Variants in PGCKA1 observed in about 807,000 individuals in gnomAD.
The protein encoded by PGCKA1 is PDCD10 and GCKIII kinases-associated protein 1.
the PGCKA1 span, among the ~76,000 whole-genome samples, chr4:37,478,373 T>C: frequency 6.6e-6 from 1 of 152,110 alleles, no homozygotes; most frequent in African/African-American, 2.4e-5. Context: ...CTGGGAATCA[T>C]ACTCTCCCAA....
chr4:37,590,516 G>T, the PGCKA1 span: 6 of 1,614,128 alleles, frequency 3.7e-6, no homozygotes, highest in Non-Finnish European at 5.1e-6. Flanking sequence ...GCCTCAGAAG[G>T]GACCCAAGTC....
chr4:37,551,116 C>A, the PGCKA1 span, among the ~76,000 whole-genome samples: 4 of 152,114 alleles, frequency 2.6e-5, no homozygotes, highest in Non-Finnish European at 5.9e-5. Flanking sequence ...CAGAAGTCCA[C>A]TGGGACTGGA....
At chr4:37,557,580 G>A in the PGCKA1 span, among the ~76,000 whole-genome samples, 1 of 152,134 alleles carries the variant, frequency 6.6e-6, no homozygotes, top group Non-Finnish European at 1.5e-5. Flanking sequence ...CTTTAATAAT[G>A]GCACTGATTT....
At chr4:37,461,534 A>G in the PGCKA1 span, among the ~76,000 whole-genome samples, 1 of 151,884 alleles carries the variant, frequency 6.6e-6, no homozygotes, top group Non-Finnish European at 1.5e-5. Flanking sequence ...GGTCCTTTAC[A>G]TGAGGGTGGA....
At chr4:37,535,229 G>A in the PGCKA1 span, among the ~76,000 whole-genome samples, 1 of 152,130 alleles carries the variant, frequency 6.6e-6, no homozygotes, top group African/African-American at 2.4e-5. Context: ...ACGTGTTTTT[G>A]AAAGAATCGA....
chr4:37,458,020 CT>C, the PGCKA1 span, among the ~76,000 whole-genome samples: 1 of 152,186 alleles, frequency 6.6e-6, no homozygotes, highest in Non-Finnish European at 1.5e-5. Flanking sequence ...TCAAAACTAT[CT>C]GTTAGAAAGG....
chr4:37,586,755 TAA>T, the PGCKA1 span, among the ~76,000 whole-genome samples: 1 of 151,936 alleles, frequency 6.6e-6, no homozygotes, highest in Non-Finnish European at 1.5e-5. Flanking sequence ...ACTAAAAATA[TAA>T]AAGTTAGCTG....
At chr4:37,515,575 T>C in the PGCKA1 span, among the ~76,000 whole-genome samples, 66 of 152,390 alleles carry the variant, frequency 4.3e-4, 1 homozygote, top group Middle Eastern at 6.8e-3. Flanking sequence ...GGTACTATAC[T>C]ACGGGACAAG....
At chr4:37,501,159 A>T in the PGCKA1 span, among the ~76,000 whole-genome samples, 2 of 152,130 alleles carry the variant, frequency 1.3e-5, no homozygotes, top group African/African-American at 4.8e-5. Context: ...TGTCATCATG[A>T]TGTCAGCCAG....
chr4:37,506,227 A>G, the PGCKA1 span, among the ~76,000 whole-genome samples: 1 of 152,238 alleles, frequency 6.6e-6, no homozygotes, highest in African/African-American at 2.4e-5. Context: ...ATTTTCAAAA[A>G]TCAACTTTTT....
chr4:37,570,146 ATTTTTTT>A, the PGCKA1 span, among the ~76,000 whole-genome samples: 42 of 78,932 alleles, frequency 5.3e-4, no homozygotes, highest in African/African-American at 2.1e-3. Flanking sequence ...CGCCTGGCTA[ATTTTTTT>A]TTTTTTTTTT....
At chr4:37,492,624 A>G in the PGCKA1 span, among the ~76,000 whole-genome samples, 27 of 152,302 alleles carry the variant, frequency 1.8e-4, no homozygotes, top group Admixed American at 5.2e-4. This position sits in a 1 kb window ranked among gnomAD's most constrained non-coding sequence, Gnocchi z 4.7. Flanking sequence ...TAATCCTCCT[A>G]TCTTACATAG....
At chr4:37,528,242 C>T in the PGCKA1 span, among the ~76,000 whole-genome samples, 8 of 152,254 alleles carry the variant, frequency 5.3e-5, no homozygotes, top group African/African-American at 9.6e-5. Context: ...AGCTTTGACT[C>T]AGGGATTTTG....
the PGCKA1 span, among the ~76,000 whole-genome samples, chr4:37,495,367 G>A: frequency 6.6e-6 from 1 of 152,090 alleles, no homozygotes; most frequent in Admixed American, 6.5e-5. Context: ...ATTTGACCCA[G>A]CAATCCCATT....
the PGCKA1 span, among the ~76,000 whole-genome samples, chr4:37,453,723 G>A: frequency 6.6e-6 from 1 of 152,136 alleles, no homozygotes; most frequent in Non-Finnish European, 1.5e-5. Context: ...CAAGCGCGTG[G>A]ATTTTCTGCT....
At chr4:37,500,420 A>G in the PGCKA1 span, among the ~76,000 whole-genome samples, 1 of 152,162 alleles carries the variant, frequency 6.6e-6, no homozygotes, top group South Asian at 2.1e-4. Context: ...CCATGTAATT[A>G]TATGATTTTG....
At chr4:37,491,750 A>G in the PGCKA1 span, among the ~76,000 whole-genome samples, 1 of 151,796 alleles carries the variant, frequency 6.6e-6, no homozygotes, top group Non-Finnish European at 1.5e-5. Context: ...TATTTTCTTG[A>G]TGTTTTCTTC....
chr4:37,588,320 ACT>A, the PGCKA1 span: 1 of 152,816 alleles, frequency 6.5e-6, no homozygotes, highest in Non-Finnish European at 1.5e-5. Context: ...TTGTGCGATG[ACT>A]CGGGCTATCA....
chr4:37,582,038 A>G, the PGCKA1 span, among the ~76,000 whole-genome samples: 473 of 152,268 alleles, frequency 3.1e-3, 3 homozygotes, highest in African/African-American at 9.9e-3. Context: ...CTGCTCTGAT[A>G]GGGCAGCACT....
Sources: allele counts gnomAD v4.1 joint callset (sites outside exome capture counted in the v4.1 genomes callset), GRCh38; gene constraint gnomAD v4.1.1; non-coding constraint Gnocchi (gnomAD v3.1); transcripts MANE v1.5; gene names NCBI Gene and HGNC (gene_info 2026-07-23, HGNC 2026-07-21).